The following UBE2R2 variants were observed in gnomAD, a reference collection of about 807,000 sequenced individuals.
UBE2R2 encodes ubiquitin-conjugating enzyme E2 R2.
UBE2R2 carries 1 observed loss-of-function variant against 27.8 expected under a neutral mutation model. That is an observed-to-expected ratio of 0.04 (90% CI 0.01 to 0.17). The LOEUF is 0.17. UBE2R2 is among the 10% of genes least tolerant of loss of function. The pLI is 1.00. For missense variants in UBE2R2, 100 were observed against 291.0 expected (o/e 0.34, Z 4.78); for synonymous variants, 106 against 113.3 (o/e 0.94, Z 0.41).
At chr9:33,905,167 A>G (rs1364657286) in intron 3 of UBE2R2, among the ~76,000 whole-genome samples, 4 of 152,208 alleles carry the variant, frequency 2.6e-5, no homozygotes, top group African/African-American at 9.7e-5. Flanking sequence ...AGAGGCATAC[A>G]TAATGTTTTC....
chr9:33,887,114 TG>T lies in UBE2R2; in HGVS notation c.264+149del, dbSNP rs1821877415. On this transcript the variant is annotated intron_variant, in intron 2 of 4. Coordinates refer to ENST00000263228, the MANE Select transcript of UBE2R2 (RefSeq NM_017811.4). Reference sequence around the variant, plus strand: ...ATTTTGCACTTCAGTTAACAGTTTCTGGATTAATTATTTAACATTAGTGTAG... The same window carrying T: ...ATTTTGCACTTCAGTTAACAGTTTCTGATTAATTATTTAACATTAGTGTAG... 7 of 658,938 alleles carry T rather than the reference TG, an allele frequency of 1.1e-5. No individual in the cohort carries two copies. In the South Asian group the frequency reaches 1.3e-4, roughly 13 times the overall value. The allele number at this position is 658,938 out of a possible 1,614,324, so 40.8% of individuals were successfully genotyped here.
chr9:33,906,738 C>T (rs549518397), intron 3 of UBE2R2, among the ~76,000 whole-genome samples: 30 of 152,182 alleles, frequency 2.0e-4, no homozygotes, highest in Non-Finnish European at 4.0e-4. Context: ...TTCCAATTTC[C>T]CTTAAATACT....
chr9:33,819,745 TCTC>T (rs1825934444), intron 1 of UBE2R2, among the ~76,000 whole-genome samples: 1 of 152,132 alleles, frequency 6.6e-6, no homozygotes, highest in African/African-American at 2.4e-5. Flanking sequence ...TTCAAGCTAT[TCTC>T]CTGCCTCAGC....
chr9:33,909,187 A>G (rs973783451), intron 3 of UBE2R2, among the ~76,000 whole-genome samples: 1 of 151,990 alleles, frequency 6.6e-6, no homozygotes, highest in South Asian at 2.1e-4. Flanking sequence ...TGATCTAGAC[A>G]ATTAAACCTA....
intron 1 of UBE2R2, among the ~76,000 whole-genome samples, chr9:33,859,252 CTG>C (rs1328644856): frequency 4.6e-5 from 7 of 152,158 alleles, no homozygotes; most frequent in East Asian, 1.9e-4. Flanking sequence ...TTACTATACT[CTG>C]TGTATTTTAT....
At chr9:33,853,383 G>A (rs533689654) in intron 1 of UBE2R2, among the ~76,000 whole-genome samples, 6 of 145,868 alleles carry the variant, frequency 4.1e-5, no homozygotes, top group South Asian at 2.2e-4. Context: ...TCTGCCTCCC[G>A]GGTTCAAGCA....
intron 4 of UBE2R2, among the ~76,000 whole-genome samples, chr9:33,915,122 C>G (rs1033221991): frequency 1.4e-5 from 2 of 144,534 alleles, no homozygotes; most frequent in African/African-American, 5.1e-5. Context: ...AGTGGGAGAC[C>G]TTGTCTCAAA....
At position 33,817,412 on chromosome 9, in the gene UBE2R2, T is replaced by C; in HGVS notation, c.-346T>C. 1.4e-5 allele frequency among the ~76,000 whole-genome samples: 2 copies of C among 145,114 alleles called. No individual in the cohort carries two copies. The highest frequency in any genetic ancestry group is 2.2e-4 in the South Asian group (1 of 4,498). ...CACCATCGCCGGCCCTCCGCCGCCT[T>C]CCTCCGCTTCCACCTCCTCTCCCCC... On this transcript the variant is annotated 5_prime_UTR_variant, in exon 1 of 5. Transcript: ENST00000263228.
In UBE2R2 at chr9:33,886,812, G is replaced by A. The variant is rs1587469515; in HGVS notation, c.178-69G>A. On this transcript the variant is annotated intron_variant, in intron 1 of 4. Transcript: ENST00000263228. Reference sequence around the variant, plus strand: ...AGCTTTGTTTCTGTGGCGTGTAGTAGGGTGAATTATTAGGCAGATGAATAA... The same window carrying A: ...AGCTTTGTTTCTGTGGCGTGTAGTAAGGTGAATTATTAGGCAGATGAATAA... 8 of 1,299,068 alleles carry A rather than the reference G, an allele frequency of 6.2e-6. No individual in the cohort carries two copies. In the South Asian group the frequency reaches 8.4e-5, roughly 14 times the overall value. 80.5% of individuals were successfully genotyped at this position (1,299,068 alleles called of 1,614,324 possible). A position where few individuals can be genotyped will look rare whatever the true frequency, so the allele number is the denominator to read the frequency against.
chr9:33,860,161 A>T (rs1427288536), intron 1 of UBE2R2, among the ~76,000 whole-genome samples: 1 of 151,312 alleles, frequency 6.6e-6, no homozygotes, highest in Admixed American at 6.6e-5. Flanking sequence ...TCAAGTAATT[A>T]TGTAAAAGGA....
intron 2 of UBE2R2, among the ~76,000 whole-genome samples, chr9:33,895,708 T>C (rs959052664): frequency 2.0e-5 from 3 of 152,080 alleles, no homozygotes; most frequent in African/African-American, 7.2e-5. Context: ...AGCACCGTTT[T>C]GTAGTTTTCA....
At chr9:33,819,406 A>G (rs540705874) in intron 1 of UBE2R2, among the ~76,000 whole-genome samples, 1 of 152,186 alleles carries the variant, frequency 6.6e-6, no homozygotes, top group Non-Finnish European at 1.5e-5. Flanking sequence ...CGTTTTTAGA[A>G]TATTATGTAA....
intron 3 of UBE2R2, among the ~76,000 whole-genome samples, chr9:33,902,309 C>CA (rs1410674177): frequency 1.3e-5 from 2 of 152,162 alleles, no homozygotes. Flanking sequence ...CTCAGCCTCC[C>CA]AAAGTGTTGG....
chr9:33,849,873 C>T (rs757572621), intron 1 of UBE2R2, among the ~76,000 whole-genome samples: 2 of 152,034 alleles, frequency 1.3e-5, no homozygotes, highest in Non-Finnish European at 2.9e-5. Context: ...GTATTTCTTA[C>T]ACCAACCCAA....
Position 33,877,863 on chromosome 9 carries a change from G to A in UBE2R2, c.178-9018G>A, listed in dbSNP as rs536638691. Among the ~76,000 whole-genome samples, 3 of 83,964 alleles carry A rather than the reference G, an allele frequency of 3.6e-5. No homozygotes were observed. The South Asian group carries it at 1.5e-3, about 42-fold the overall frequency. 55.1% of individuals were successfully genotyped at this position (83,964 alleles called of 152,430 possible). A position where few individuals can be genotyped will look rare whatever the true frequency, so the allele number is the denominator to read the frequency against. ...TCTCTCTCTCTCCCACTCTCCCTCC[G>A]TCTTTCCTCAGCCTCCTGAATAGCT... On this transcript the variant is annotated intron_variant, in intron 1 of 4. Transcript: ENST00000263228.
At chr9:33,826,790 G>A (rs1414117644) in intron 1 of UBE2R2, among the ~76,000 whole-genome samples, 1 of 151,866 alleles carries the variant, frequency 6.6e-6, no homozygotes, top group East Asian at 1.9e-4. Context: ...AAATGTTTTG[G>A]TTATTGGGTG....
chr9:33,887,060 G>T, intron 2 of UBE2R2, 93 bp downstream of exon 2: 1 of 983,972 alleles, frequency 1.0e-6, no homozygotes, highest in Non-Finnish European at 1.5e-6. Context: ...TGATACTTAG[G>T]CTTTTGTAGC....
intron 3 of UBE2R2, among the ~76,000 whole-genome samples, chr9:33,904,537 T>TG (rs1822310820): frequency 6.6e-6 from 1 of 152,218 alleles, no homozygotes; most frequent in African/African-American, 2.4e-5. Context: ...GACATATTTA[T>TG]AACATAAAGT....
At chr9:33,884,939 C>G (rs997914788) in intron 1 of UBE2R2, among the ~76,000 whole-genome samples, 3 of 152,156 alleles carry the variant, frequency 2.0e-5, no homozygotes, top group Non-Finnish European at 4.4e-5. Context: ...CTGTTGACTT[C>G]TTTTACCTAA....
Sources: allele counts gnomAD v4.1 joint callset (sites outside exome capture counted in the v4.1 genomes callset), GRCh38; gene constraint gnomAD v4.1.1; transcripts MANE v1.5; gene names NCBI Gene and HGNC (gene_info 2026-07-23, HGNC 2026-07-21).